IGHMBP2: variants seen among roughly 807,000 people sequenced by gnomAD.
IGHMBP2 encodes DNA-binding protein SMUBP-2.
A neutral mutation model predicts 96.0 loss-of-function variants in IGHMBP2; 81 were observed. That is an observed-to-expected ratio of 0.84 (90% CI 0.71 to 1.01). The LOEUF is 1.01. IGHMBP2 is among the 50% of genes least tolerant of loss of function. IGHMBP2 has a pLI of 0.00. For synonymous variants in IGHMBP2, 557 were observed against 548.9 expected, an observed-to-expected ratio of 1.01 and a Z score of -0.21; for missense variants, 1,227 against 1,306.3, an observed-to-expected ratio of 0.94 and a Z score of 0.94.
Position 68,911,463 on chromosome 11 carries a change from T to A in IGHMBP2, c.571T>A (p.Cys191Ser). ...AGACCCGCTGACATTCTTCAACACC[T>A]GCCTGGACACCTCCCAGAAAGAAGC... ...EIHPLTFFNT[C>S]LDTSQKEAVL... Residue 191 changes from cysteine (C) to serine (S), a missense_variant, in exon 5 of 15, where the codon TGC (cysteine) becomes AGC (serine). Cys to Ser is a moderately radical substitution (Grantham distance 112). Around this residue, in one of 3 missense-constraint regions of IGHMBP2, gnomAD observed 507 missense variants for 496.9 expected, o/e 1.02. Coordinates refer to ENST00000255078, the MANE Select transcript of IGHMBP2 (RefSeq NM_002180.3). 6.2e-7 allele frequency: 1 copy of A among 1,614,078 alleles called. No homozygotes were observed. Among genetic ancestry groups the A allele is most frequent in the Non-Finnish European group, 8.5e-7 (1 of 1,180,010 alleles).
rs2154009302 is a variant in IGHMBP2 at position 68,939,682 on chromosome 11, G to A, written c.2933G>A (p.Ser978Asn). 6.2e-7 allele frequency: 1 copy of A among 1,612,798 alleles called. No individual in the cohort carries two copies. The highest frequency in any genetic ancestry group is 8.5e-7 in the Non-Finnish European group (1 of 1,179,722). Residue 978 changes from serine (S) to asparagine (N), a missense_variant, in exon 15 of 15, where the codon AGT becomes AAT. By Grantham distance (46) the Ser-to-Asn change is conservative. This residue lies in a region of IGHMBP2 where 703 missense variants were observed against 770.3 expected (regional missense o/e 0.91). Coordinates refer to ENST00000255078, the MANE Select transcript of IGHMBP2 (RefSeq NM_002180.3). ...QLQRRLDKKL[S>N]ELSNQRTSRR... ...CAGAGGAGGCTGGATAAGAAGCTGA[G>A]TGAGCTCAGCAACCAGAGGACCAGC...
At chr11:68,930,581 T>C (rs908834574) in intron 8 of IGHMBP2, 4 of 1,124,034 alleles carry the variant, frequency 3.6e-6, no homozygotes, top group Non-Finnish European at 4.5e-6. Context: ...GGATCTAGAG[T>C]GGAAATGTTA....
intron 6 of IGHMBP2, among the ~76,000 whole-genome samples, chr11:68,916,216 T>G: frequency 6.6e-6 from 1 of 151,922 alleles, no homozygotes; most frequent in East Asian, 1.9e-4. Flanking sequence ...TTCTGTCTGG[T>G]CCTGTTGTCT....
intron 8 of IGHMBP2, among the ~76,000 whole-genome samples, chr11:68,931,365 G>T (rs1859290930): frequency 6.6e-6 from 1 of 152,244 alleles, no homozygotes; most frequent in East Asian, 1.9e-4. Context: ...GCTCCTGCTT[G>T]TTCCCGGCTC....
At position 68,906,250 on chromosome 11, in the gene IGHMBP2, T is replaced by C; in HGVS notation, c.256+12T>C. The stretch of plus-strand genomic sequence containing the variant: ...CAGCTTTACTTCTGGTGTGTGCGTA[T>C]TGACCTAGACAGACATTGAAATTTA... On this transcript the variant is annotated intron_variant, in intron 2 of 14. Coordinates refer to ENST00000255078, the MANE Select transcript of IGHMBP2 (RefSeq NM_002180.3). 1 of 1,613,858 alleles carries C rather than the reference T, an allele frequency of 6.2e-7. No homozygotes were observed. The highest frequency in any genetic ancestry group is 8.5e-7 in the Non-Finnish European group (1 of 1,179,870).
chr11:68,937,881 G>A, intron 13 of IGHMBP2: 1 of 439,270 alleles, frequency 2.3e-6, no homozygotes, highest in Non-Finnish European at 4.2e-6. Flanking sequence ...CACGCTTTGT[G>A]CTAGAGGACA....
chr11:68,904,090 G>A, intron 1 of IGHMBP2, 52 bp downstream of exon 1: 1 of 1,423,918 alleles, frequency 7.0e-7, no homozygotes, highest in Non-Finnish European at 9.7e-7. Context: ...GCCGTGTCCC[G>A]GGCAGAGTCT....
intron 7 of IGHMBP2, among the ~76,000 whole-genome samples, chr11:68,927,656 T>G (rs1859124512): frequency 6.6e-6 from 1 of 152,238 alleles, no homozygotes; most frequent in Non-Finnish European, 1.5e-5. Context: ...CATTATTCTC[T>G]GTCTTAGAAA....
At position 68,921,565 on chromosome 11, in the gene IGHMBP2, G is replaced by A. The variant is rs554129048; in HGVS notation, c.1060+3682G>A. Among the ~76,000 whole-genome samples, 4 of 152,192 alleles carry A rather than the reference G, an allele frequency of 2.6e-5. No individual in the cohort carries two copies. In the South Asian group the frequency reaches 8.3e-4, roughly 32 times the overall value. On this transcript the variant is annotated intron_variant, in intron 7 of 14. Coordinates refer to ENST00000255078, the MANE Select transcript of IGHMBP2 (RefSeq NM_002180.3). ...GCAAGCTGACATTTCTCTCCTCTTA[G>A]CATTTATGCTTTTGTCATATATTTT... is the stretch of plus-strand genomic sequence containing the variant.
At chr11:68,924,123 T>A (rs1451299385) in intron 7 of IGHMBP2, among the ~76,000 whole-genome samples, 5 of 152,300 alleles carry the variant, frequency 3.3e-5, no homozygotes, top group South Asian at 2.1e-4. Context: ...TCAGTTATTT[T>A]AAAAAAATTT....
intron 7 of IGHMBP2, among the ~76,000 whole-genome samples, chr11:68,918,119 T>C (rs1003170087): frequency 6.6e-6 from 1 of 152,214 alleles, no homozygotes; most frequent in African/African-American, 2.4e-5. Flanking sequence ...TTCCATGAGC[T>C]TGTAGCTTTC....
At chr11:68,932,838 G>A (rs1490104515) in intron 8 of IGHMBP2, 2 of 176,330 alleles carry the variant, frequency 1.1e-5, no homozygotes, top group African/African-American at 4.7e-5. Flanking sequence ...TGCTTCTTCT[G>A]GAGGATCCAG....
chr11:68,918,006 T>C, intron 7 of IGHMBP2, 123 bp downstream of exon 7: 1 of 1,080,988 alleles, frequency 9.3e-7, no homozygotes. Context: ...TTGGGTAGGG[T>C]TCACTAGGGA....
chr11:68,930,593 G>A (rs1440038892), intron 8 of IGHMBP2: 8 of 856,340 alleles, frequency 9.3e-6, no homozygotes, highest in East Asian at 2.4e-4. Flanking sequence ...GAAATGTTAC[G>A]GGATCTCTGG....
chr11:68,933,846 G>A lies in IGHMBP2; in HGVS notation c.1470G>A (p.Leu490=), dbSNP rs770256127. ...AAGAGACGGGTGTGCCCCTGCTCTT[G>A]GTGGACACCGCCGGCTGCGGGCTGT... ...ATEETGVPLL[L]VDTAGCGLFE... is the part of the protein sequence containing the mutation. Residue 490 remains leucine, a synonymous_variant, in exon 10 of 15, where the codon TTG becomes TTA. Transcript: ENST00000255078. 2 of 1,610,856 alleles carry A rather than the reference G, an allele frequency of 1.2e-6. No individual in the cohort carries two copies. The highest frequency in any genetic ancestry group is 1.7e-5 in the Admixed American group (1 of 59,614).
chr11:68,925,865 C>T (rs918759836), intron 7 of IGHMBP2, among the ~76,000 whole-genome samples: 2 of 152,096 alleles, frequency 1.3e-5, no homozygotes, highest in African/African-American at 4.8e-5. Flanking sequence ...TTGCTGCTTT[C>T]AAGTGTCGTC....
Position 68,914,840 on chromosome 11 carries a change from C to T in IGHMBP2, c.729C>T (p.Pro243=), listed in dbSNP as rs373892962. ...GTTCCCAGGTTCTGTGCTGCGCCCC[C>T]TCCAACATCGCCGTGGACAATCTGG... ...KQGLKVLCCA[P]SNIAVDNLVE... is the part of the protein sequence containing the mutation. The change falls in exon 6 of 15, where the codon CCC becomes CCT. Residue 243 remains proline (P), a synonymous_variant. Transcript: ENST00000255078. 3.1e-6 allele frequency: 5 copies of T among 1,614,288 alleles called. No individual in the cohort carries two copies. Among genetic ancestry groups the T allele is most frequent in the Non-Finnish European group, 4.2e-6 (5 of 1,180,052 alleles).
In IGHMBP2 at chr11:68,906,081, G is replaced by A; in HGVS notation, c.99G>A (p.Glu33=). 6.2e-7 allele frequency: 1 copy of A among 1,614,142 alleles called. No homozygotes were observed. Among genetic ancestry groups the A allele is most frequent in the Non-Finnish European group, 8.5e-7 (1 of 1,180,030 alleles). ...AEVEERRSWQ[E]NISLKELQSR... The stretch of plus-strand genomic sequence containing the variant: ...GGGTGTCTTCCAGGTCCTGGCAGGA[G>A]AACATCTCTCTGAAAGAGCTCCAGA... Residue 33 remains glutamate, a synonymous_variant, in exon 2 of 15, where the codon GAG becomes GAA. Coordinates refer to ENST00000255078, the MANE Select transcript of IGHMBP2 (RefSeq NM_002180.3).
At chr11:68,908,803 C>CTTGT (rs1486988124) in intron 4 of IGHMBP2, among the ~76,000 whole-genome samples, 172 bp downstream of exon 4, 1 of 149,544 alleles carries the variant, frequency 6.7e-6, no homozygotes. Flanking sequence ...GACCGTCCTC[C>CTTGT]TTGTACTCAG....
Sources: gnomAD v4.1 joint callset for allele counts (sites outside exome capture counted in the v4.1 genomes callset) on GRCh38, gnomAD v4.1.1 for gene constraint, gnomAD v4.1.1 regional missense constraint, MANE v1.5 for transcripts, NCBI Gene and HGNC (gene_info 2026-07-23, HGNC 2026-07-21) for gene names.